Variants in GALNT15 observed in about 807,000 individuals in gnomAD.
GALNT15 encodes polypeptide N-acetylgalactosaminyltransferase 15.
A neutral mutation model predicts 66.8 loss-of-function variants in GALNT15; 67 were observed. The observed-to-expected ratio is 1.00, with a 90% CI of 0.82 to 1.23. The LOEUF (loss-of-function observed/expected upper bound fraction) is 1.23, where lower values mean the gene tolerates loss of function less well. Ranked by LOEUF, GALNT15 falls within the 50% of genes most tolerant of loss-of-function variation. GALNT15 has a pLI of 0.00. For synonymous variants in GALNT15, 313 were observed against 311.5 expected (o/e 1.00, Z -0.05); for missense variants, 827 against 804.3 (o/e 1.03, Z -0.34).
At chr3:16,221,361 A>G (rs1397613874) in intron 8 of GALNT15, among the ~76,000 whole-genome samples, 1 of 151,910 alleles carries the variant, frequency 6.6e-6, no homozygotes, top group African/African-American at 2.4e-5. Flanking sequence ...GATATGCCAG[A>G]TAAAAAAATA....
chr3:16,212,818 G>T (rs962671915), intron 6 of GALNT15, 55 bp downstream of exon 6: 1 of 1,501,400 alleles, frequency 6.7e-7, no homozygotes, highest in African/African-American at 1.4e-5. Flanking sequence ...ACTAGCAGGA[G>T]GTGGGCCAGG....
In GALNT15 at chr3:16,191,580, C is replaced by T. The variant is rs991293803; in HGVS notation, c.540-4180C>T. Among the ~76,000 whole-genome samples the T allele has an allele frequency of 5.3e-5, 8 of 152,330 alleles. No homozygotes were observed. The highest frequency in any genetic ancestry group is 3.4e-3 in the Middle Eastern group (1 of 294). ...TGAGTTACCAGGTGAGACTGCCACC[C>T]GGCAGAGAATGTTCTGTGAAATCAA... On this transcript the variant is annotated intron_variant, in intron 1 of 9. Coordinates refer to ENST00000339732, the MANE Select transcript of GALNT15 (RefSeq NM_054110.5). This position sits in a 1 kb window ranked among gnomAD's most constrained non-coding sequence, Gnocchi z 5.2.
Position 16,208,440 on chromosome 3 carries a change from C to A in GALNT15, c.912-63C>A, listed in dbSNP as rs536574886. ...CCATACTGGGCAGCCCATGTACAGA[C>A]TGTTTCCAGCCCCAGCAAGTAAATG... On this transcript the variant is annotated intron_variant, in intron 3 of 9. Transcript: ENST00000339732. The A allele has an allele frequency of 1.5e-4, 241 of 1,565,522 alleles. 1 individual carries two copies. In the East Asian group the frequency reaches 5.3e-3, roughly 35 times the overall value.
intron 6 of GALNT15, 71 bp downstream of exon 6, chr3:16,212,834 C>A: frequency 7.4e-7 from 1 of 1,353,946 alleles, no homozygotes; most frequent in Non-Finnish European, 1.0e-6. Context: ...CCAGGGAGGG[C>A]TCCTTTCTCT....
chr3:16,240,919 CA>C, the GALNT15 span, among the ~76,000 whole-genome samples: 1 of 152,196 alleles, frequency 6.6e-6, no homozygotes, highest in South Asian at 2.1e-4. Flanking sequence ...CTCTGAACAC[CA>C]AAGTTTTTGT....
chr3:16,233,843 A>G (rs2064107551), downstream of GALNT15, among the ~76,000 whole-genome samples: 1 of 152,210 alleles, frequency 6.6e-6, no homozygotes, highest in African/African-American at 2.4e-5. Context: ...GAGGGAATCC[A>G]TAGTGTGGGG....
At position 16,227,691 on chromosome 3, in the gene GALNT15, C is replaced by G; in HGVS notation, c.*191C>G. The G allele has an allele frequency of 7.6e-7, 1 of 1,311,924 alleles. No homozygotes were observed. The highest frequency in any genetic ancestry group is 9.6e-7 in the Non-Finnish European group (1 of 1,040,900). 81.3% of individuals were successfully genotyped at this position (1,311,924 alleles called of 1,614,324 possible). On this transcript the variant is annotated 3_prime_UTR_variant, in exon 10 of 10. Coordinates refer to ENST00000339732, the MANE Select transcript of GALNT15 (RefSeq NM_054110.5). The surrounding 1 kb of genome is among the most constrained non-coding windows in gnomAD (Gnocchi z 4.5). ...ACCTTATTTCATTGACTGCTGGCTG[C>G]TTTAAAAAAAAAAAAAAAGGATCCA...
At chr3:16,235,565 G>A (rs112788439), downstream of GALNT15, among the ~76,000 whole-genome samples, 1 of 152,316 alleles carries the variant, frequency 6.6e-6, no homozygotes, top group African/African-American at 2.4e-5. Context: ...GACATAAAGA[G>A]TGAGATGATC....
chr3:16,196,074 T>G, intron 2 of GALNT15, 148 bp downstream of exon 2: 1 of 752,238 alleles, frequency 1.3e-6, no homozygotes, highest in Non-Finnish European at 2.1e-6. Context: ...GCAAGTAACT[T>G]ATGAATGAAG....
intron 3 of GALNT15, among the ~76,000 whole-genome samples, chr3:16,207,126 T>G (rs549354459): frequency 6.6e-6 from 1 of 152,270 alleles, no homozygotes; most frequent in Admixed American, 6.5e-5. Flanking sequence ...CTCCTTACAC[T>G]TATGTCAGTT....
rs1553687223 is a variant in GALNT15, at chr3:16,216,498, C to CG, written c.1393-2902dup. The stretch of plus-strand genomic sequence containing the variant: ...TGCGAGCCAGAGCAAGACTCTGTCT[C>CG]GGGAAAAAAAAAAAAAGTTTAGGGC... On this transcript the variant is annotated intron_variant, in intron 6 of 9. Coordinates refer to ENST00000339732, the MANE Select transcript of GALNT15 (RefSeq NM_054110.5). 3.5e-4 allele frequency among the ~76,000 whole-genome samples: 11 copies of CG among 31,424 alleles called. No individual in the cohort carries two copies. The East Asian group carries it at 0.013, about 37-fold the overall frequency. The allele number at this position is 31,424 out of a possible 152,430, so 20.6% of individuals were successfully genotyped here.
intron 9 of GALNT15, among the ~76,000 whole-genome samples, chr3:16,226,495 G>A (rs931554746): frequency 4.6e-5 from 7 of 152,174 alleles, no homozygotes; most frequent in African/African-American, 1.7e-4. Context: ...GGCAGAAGGC[G>A]AAGAGGAAGC....
chr3:16,200,573 G>A lies in GALNT15; in HGVS notation c.707-46G>A, dbSNP rs371247733. 2.6e-5 allele frequency: 36 copies of A among 1,396,720 alleles called. No individual in the cohort carries two copies. In the African/African-American group the frequency reaches 4.8e-4, roughly 19 times the overall value. 86.5% of individuals were successfully genotyped at this position (1,396,720 alleles called of 1,614,324 possible). ...GATTGTCTTAGTCACAATCTCATCG[G>A]TTGTGGCATTTGTCATTCCACTGAC... On this transcript the variant is annotated intron_variant, in intron 2 of 9. Coordinates refer to ENST00000339732, the MANE Select transcript of GALNT15 (RefSeq NM_054110.5). This position sits in a 1 kb window ranked among gnomAD's most constrained non-coding sequence, Gnocchi z 4.4.
chr3:16,178,247 G>A (rs977184509), intron 1 of GALNT15, among the ~76,000 whole-genome samples: 3 of 152,148 alleles, frequency 2.0e-5, no homozygotes, highest in Admixed American at 1.3e-4. Flanking sequence ...CGTGGTGCAA[G>A]TGTGGGTACA....
intron 6 of GALNT15, among the ~76,000 whole-genome samples, chr3:16,218,810 C>CTTTTTTTT (rs10538222): frequency 1.1e-5 from 1 of 92,920 alleles, no homozygotes; most frequent in Non-Finnish European, 2.0e-5. Context: ...CTCTCTCTCT[C>CTTTTTTTT]TTTTTTTTTT....
At position 16,181,466 on chromosome 3, in the gene GALNT15, A is replaced by G. The variant is rs1392966632; in HGVS notation, c.539+5776A>G. 6.6e-6 allele frequency among the ~76,000 whole-genome samples: 1 copy of G among 151,946 alleles called. No individual in the cohort carries two copies. Among genetic ancestry groups the G allele is most frequent in the Non-Finnish European group, 1.5e-5 (1 of 67,994 alleles). On this transcript the variant is annotated intron_variant, in intron 1 of 9. Transcript: ENST00000339732. The surrounding 1 kb of genome is among the most constrained non-coding windows in gnomAD (Gnocchi z 5.9). ...GAGGCCATAATGGGCAAGGGGTCAGAGGGAAGGGCAGGGGCGGGAGAGTCG... is the reference window on the plus strand; with the variant it reads ...GAGGCCATAATGGGCAAGGGGTCAGGGGGAAGGGCAGGGGCGGGAGAGTCG...
At chr3:16,241,165 C>CA in the GALNT15 span, among the ~76,000 whole-genome samples, 1 of 152,120 alleles carries the variant, frequency 6.6e-6, no homozygotes, top group Non-Finnish European at 1.5e-5. This position sits in a 1 kb window ranked among gnomAD's most constrained non-coding sequence, Gnocchi z 4.6. Context: ...TTAAAATTAT[C>CA]AAAAAGATGT....
chr3:16,232,812 C>T (rs1002759419), downstream of GALNT15, among the ~76,000 whole-genome samples: 4 of 151,674 alleles, frequency 2.6e-5, no homozygotes, highest in Admixed American at 6.6e-5. Flanking sequence ...TCACAAATCA[C>T]GTGGGGACCA....
intron 1 of GALNT15, among the ~76,000 whole-genome samples, chr3:16,190,454 C>T (rs1279459288): frequency 3.9e-5 from 6 of 152,004 alleles, no homozygotes; most frequent in African/African-American, 9.7e-5. Context: ...CTGGCTAACA[C>T]GGTGAAACCC....
Sources: gnomAD v4.1 joint callset for allele counts (sites outside exome capture counted in the v4.1 genomes callset) on GRCh38, gnomAD v4.1.1 for gene constraint, Gnocchi (gnomAD v3.1) non-coding constraint, MANE v1.5 for transcripts, NCBI Gene and HGNC (gene_info 2026-07-23, HGNC 2026-07-21) for gene names.